Variants in IL21R observed in about 807,000 individuals in gnomAD.
IL21R encodes the protein interleukin 21 receptor.
In IL21R, 14 loss-of-function variants were observed where a neutral mutation model predicts 41.3. The ratio of observed to expected loss-of-function variants is 0.34; its 90% CI spans 0.22 to 0.53. The LOEUF (loss-of-function observed/expected upper bound fraction) is 0.53. Among genes scored for constraint, IL21R ranks in the 20% least tolerant of loss-of-function variants. The pLI is 0.94. For synonymous variants in IL21R, 286 were observed against 287.6 expected (o/e 0.99, Z 0.05); for missense variants, 588 against 681.6 (o/e 0.86, Z 1.53).
chr16:27,445,981 GTCCTCAC>G lies in IL21R; in HGVS notation c.786-25_786-19del, dbSNP rs764171714. 1.2e-5 allele frequency: 19 copies of G among 1,595,610 alleles called. No homozygotes were observed. In the African/African-American group the frequency reaches 2.4e-4, roughly 20 times the overall value. On this transcript the variant is annotated intron_variant, in intron 7 of 8. Transcript: ENST00000337929. ...CAGGCTGCCCTCTGGTGATGTCAGGGTCCTCACCCCTCTCTGCCCCCTCAGGCTATGG... is the reference window on the plus strand; with the variant it reads ...CAGGCTGCCCTCTGGTGATGTCAGGGCCCTCTCTGCCCCCTCAGGCTATGG...
intron 4 of IL21R, chr16:27,442,671 T>C (rs910509834): frequency 5.4e-5 from 12 of 222,676 alleles, no homozygotes; most frequent in Non-Finnish European, 1.1e-4. Context: ...CAGACTGTTT[T>C]ATTTCGTCAC....
chr16:27,438,929 G>GGTGTGTGTGTGT (rs60330499), intron 4 of IL21R, among the ~76,000 whole-genome samples: 5 of 149,046 alleles, frequency 3.4e-5, no homozygotes, highest in South Asian at 4.3e-4. Context: ...GCTTTGGCAT[G>GGTGTGTGTGTGT]GTGTGTGTGT....
rs1001622868 is a variant in IL21R at position 27,433,291 on chromosome 16, A to G, written c.50-1056A>G. On this transcript the variant is annotated intron_variant, in intron 2 of 8. Transcript: ENST00000337929. ...AGACCAGCCTGGGCAACATGGTGAA[A>G]CCCTGTCTCTACAAAAACACAAAAA... Among the ~76,000 whole-genome samples the G allele has an allele frequency of 1.1e-4, 17 of 152,230 alleles. 1 individual carries two copies. In the South Asian group the frequency reaches 3.3e-3, roughly 30 times the overall value.
intron 1 of IL21R, among the ~76,000 whole-genome samples, chr16:27,424,081 T>G (rs1042462348): frequency 6.6e-6 from 1 of 152,132 alleles, no homozygotes; most frequent in Non-Finnish European, 1.5e-5. Flanking sequence ...TTCTCTTCTT[T>G]TTCTTTTTTT....
chr16:27,410,138 C>T (rs954787241), intron 1 of IL21R, among the ~76,000 whole-genome samples: 1 of 152,094 alleles, frequency 6.6e-6, no homozygotes, highest in African/African-American at 2.4e-5. Flanking sequence ...GAGTTCGAGA[C>T]CAGCCTGGCC....
Position 27,437,497 on chromosome 16 carries a change from G to C in IL21R, c.162G>C (p.Gln54His), listed in dbSNP as rs2087292497. Residue 54 changes from glutamine to histidine, a missense_variant, in exon 4 of 9, where the codon CAG becomes CAC. Coordinates refer to ENST00000337929, the MANE Select transcript of IL21R (RefSeq NM_181078.3). ...TGCTTTGTCCTTGAAGGCAAGACCA[G>C]TATGAAGAGCTGAAGGACGAGGCCA... Reference protein sequence around the residue: ...PSTLTLTWQDQYEELKDEATS... With the variant: ...PSTLTLTWQDHYEELKDEATS... The C allele has an allele frequency of 6.2e-7, 1 of 1,613,532 alleles. No homozygotes were observed. Among genetic ancestry groups the C allele is most frequent in the Non-Finnish European group, 8.5e-7 (1 of 1,180,008 alleles).
rs1217071764 is a variant in IL21R at position 27,440,248 on chromosome 16, TAGAG to T, written c.352+2590_352+2593del. 3.8e-3 allele frequency among the ~76,000 whole-genome samples: 242 copies of T among 64,028 alleles called. 1 individual carries two copies. The highest frequency in any genetic ancestry group is 0.011 in the East Asian group (31 of 2,744). The allele number at this position is 64,028 out of a possible 152,430, so 42.0% of individuals were successfully genotyped here. ...ATATATATATATATATATATATATA[TAGAG>T]AGAGAGAGAGAGAGAGAGAGAGAGA... On this transcript the variant is annotated intron_variant, in intron 4 of 8. Transcript: ENST00000337929.
At chr16:27,420,101 A>G (rs1596573882) in intron 1 of IL21R, among the ~76,000 whole-genome samples, 1 of 150,886 alleles carries the variant, frequency 6.6e-6, no homozygotes. Flanking sequence ...TGTTTGTCAC[A>G]CTGGTCTTGA....
At chr16:27,439,361 TAC>T (rs145409668) in intron 4 of IL21R, among the ~76,000 whole-genome samples, 2,817 of 138,994 alleles carry the variant, frequency 0.02, 45 homozygotes, top group East Asian at 0.046. Context: ...CACACATACA[TAC>T]ACACACACAC....
chr16:27,447,032 T>G (rs2087493111), intron 8 of IL21R, among the ~76,000 whole-genome samples: 1 of 152,212 alleles, frequency 6.6e-6, no homozygotes. Flanking sequence ...ACACCCTTCC[T>G]GCCTCACTCA....
rs2087574102 is a variant in IL21R, at chr16:27,450,498, T to C, written c.*1215T>C. On this transcript the variant is annotated 3_prime_UTR_variant, in exon 9 of 9. Coordinates refer to ENST00000337929, the MANE Select transcript of IL21R (RefSeq NM_181078.3). The stretch of plus-strand genomic sequence containing the variant: ...CCTGGAGAATTGAAGGGAGGTCAAG[T>C]TGTTTGTCAATGATTTGTCAGAGAA... 2 of 229,236 alleles carry C rather than the reference T, an allele frequency of 8.7e-6. No homozygotes were observed. Among genetic ancestry groups the C allele is most frequent in the Admixed American group, 1.1e-4 (2 of 17,634 alleles). The allele number at this position is 229,236 out of a possible 1,614,324, so 14.2% of individuals were successfully genotyped here.
chr16:27,437,567 A>G lies in IL21R; in HGVS notation c.232A>G (p.Thr78Ala). ...GTCGGCCCACAATGCCACGCATGCC[A>G]CCTACACCTGCCACATGGATGTATT... Reference protein sequence around the residue: ...HRSAHNATHATYTCHMDVFHF... With the variant: ...HRSAHNATHAAYTCHMDVFHF... The change falls in exon 4 of 9, where the codon ACC becomes GCC. Residue 78 changes from threonine (T) to alanine (A), a missense_variant. Coordinates refer to ENST00000337929, the MANE Select transcript of IL21R (RefSeq NM_181078.3). 2 of 1,614,144 alleles carry G rather than the reference A, an allele frequency of 1.2e-6. No homozygotes were observed. Among genetic ancestry groups the G allele is most frequent in the South Asian group, 2.2e-5 (2 of 91,090 alleles).
At chr16:27,424,366 G>A (rs537686291) in intron 1 of IL21R, among the ~76,000 whole-genome samples, 29 of 152,212 alleles carry the variant, frequency 1.9e-4, no homozygotes, top group Non-Finnish European at 3.5e-4. Context: ...GAGCCACCAC[G>A]TTGACCATGA....
At chr16:27,439,010 C>T (rs1596590081) in intron 4 of IL21R, among the ~76,000 whole-genome samples, 1 of 152,068 alleles carries the variant, frequency 6.6e-6, no homozygotes, top group East Asian at 1.9e-4. Context: ...AGGGAGCCTG[C>T]CCTCAGGAAG....
chr16:27,447,016 C>T (rs530353859), intron 8 of IL21R, among the ~76,000 whole-genome samples: 23 of 152,320 alleles, frequency 1.5e-4, no homozygotes, highest in African/African-American at 2.2e-4. Flanking sequence ...CCTGGTGCTG[C>T]GCTGGACACC....
intron 1 of IL21R, among the ~76,000 whole-genome samples, chr16:27,425,529 A>G (rs1596577911): frequency 6.6e-6 from 1 of 151,666 alleles, no homozygotes; most frequent in African/African-American, 2.4e-5. Flanking sequence ...CATCTTAAAC[A>G]CTACTCTCTC....
intron 2 of IL21R, among the ~76,000 whole-genome samples, chr16:27,433,424 C>A (rs2087209380): frequency 6.6e-6 from 1 of 152,104 alleles, no homozygotes; most frequent in Non-Finnish European, 1.5e-5. Context: ...TGAGATCGCA[C>A]CACTGCATTC....
At position 27,409,723 on chromosome 16, in the gene IL21R, T is replaced by C. The variant is rs199591363; in HGVS notation, c.-17+7105T>C. 4.6e-5 allele frequency among the ~76,000 whole-genome samples: 7 copies of C among 152,224 alleles called. No individual in the cohort carries two copies. The East Asian group carries it at 1.2e-3, about 25-fold the overall frequency. ...CTGTTCTTTTCCATTGGTTAGTTTGTTTTTCCTTGCAACAATGCCATACTT... is the reference window on the plus strand; with the variant it reads ...CTGTTCTTTTCCATTGGTTAGTTTGCTTTTCCTTGCAACAATGCCATACTT... On this transcript the variant is annotated intron_variant, in intron 1 of 8. Coordinates refer to ENST00000337929, the MANE Select transcript of IL21R (RefSeq NM_181078.3).
chr16:27,445,633 G>A (rs1040928106), intron 7 of IL21R, among the ~76,000 whole-genome samples: 1 of 152,194 alleles, frequency 6.6e-6, no homozygotes, highest in Non-Finnish European at 1.5e-5. Flanking sequence ...TTTAAGCTTT[G>A]AGGCTTAATG....
Sources: gnomAD v4.1 joint callset for allele counts (sites outside exome capture counted in the v4.1 genomes callset) on GRCh38, gnomAD v4.1.1 for gene constraint, MANE v1.5 for transcripts, NCBI Gene and HGNC (gene_info 2026-07-23, HGNC 2026-07-21) for gene names.